Variants in ACAP3 observed in about 807,000 individuals in gnomAD.
The protein encoded by ACAP3 is arf-GAP with coiled-coil, ANK repeat and PH domain-containing protein 3.
In ACAP3, 56 loss-of-function variants were observed where a neutral mutation model predicts 104.1. That is an observed-to-expected ratio of 0.54 (90% CI 0.43 to 0.67). The LOEUF (loss-of-function observed/expected upper bound fraction) is 0.67, where lower values mean the gene tolerates loss of function less well. ACAP3 is among the 30% of genes least tolerant of loss of function. The pLI, the probability that ACAP3 is intolerant of heterozygous loss-of-function variation, is 0.00. For missense variants in ACAP3, 1,208 were observed against 1,174.9 expected (o/e 1.03, Z -0.41); for synonymous variants, 628 against 496.2 (o/e 1.27, Z -3.53).
Position 1,300,594 on chromosome 1 carries a change from C to T in ACAP3, c.437G>A (p.Arg146Gln). The change falls in exon 6 of 24, where the codon CGG becomes CAG. Residue 146 changes from arginine (R) to glutamine (Q), a missense_variant. Physicochemically the swap from Arg to Gln is conservative, Grantham distance 43. Transcript: ENST00000354700. ...GGTGGCTTCCTCCACCTCGTGGGGCCGGTGCCTCGGGGCCTGGGCGTTCCT... is the reference window on the plus strand; with the variant it reads ...GGTGGCTTCCTCCACCTCGTGGGGCTGGTGCCTCGGGGCCTGGGCGTTCCT... ...LVRNAQAPRHRPHEVEEATGA... is the reference protein window; with the variant it reads ...LVRNAQAPRHQPHEVEEATGA... 2 of 1,610,118 alleles carry T rather than the reference C, an allele frequency of 1.2e-6. No homozygotes were observed. Among genetic ancestry groups the T allele is most frequent in the Non-Finnish European group, 1.7e-6 (2 of 1,179,134 alleles).
rs757111037 is a variant in ACAP3, at chr1:1,303,293, C to T, written c.106-12G>A. ...CACAGCTTCACCAGCTGTGGGCCAGCGGGGCGTGGTGAGCACAGTGGGCAC... is the reference window on the plus strand; with the variant it reads ...CACAGCTTCACCAGCTGTGGGCCAGTGGGGCGTGGTGAGCACAGTGGGCAC... On this transcript the variant is annotated splice_polypyrimidine_tract_variant and intron_variant, in intron 2 of 23. Transcript: ENST00000354700. This position sits in a 1 kb window ranked among gnomAD's most constrained non-coding sequence, Gnocchi z 4.0. 1.3e-5 allele frequency: 21 copies of T among 1,566,240 alleles called. No homozygotes were observed. In the East Asian group the frequency reaches 2.4e-4, roughly 18 times the overall value.
chr1:1,306,361 C>CA (rs1448516621), intron 1 of ACAP3, among the ~76,000 whole-genome samples: 1 of 152,150 alleles, frequency 6.6e-6, no homozygotes, highest in Non-Finnish European at 1.5e-5. Flanking sequence ...GTGCTTCAGC[C>CA]AGGGTCCAGC....
chr1:1,295,045 G>T, intron 19 of ACAP3: 1 of 573,040 alleles, frequency 1.7e-6, no homozygotes, highest in South Asian at 2.2e-5. Flanking sequence ...GGCCTTTTGG[G>T]AAGCCCTTCC....
intron 22 of ACAP3, 43 bp from the exon 23 acceptor site, chr1:1,293,976 C>CG: frequency 1.4e-6 from 1 of 727,910 alleles, no homozygotes; most frequent in Non-Finnish European, 2.2e-6. Flanking sequence ...CGGGGCGGGG[C>CG]GGGGCGAGTG....
At chr1:1,301,172 G>A (rs1472478916) in intron 5 of ACAP3, among the ~76,000 whole-genome samples, 1 of 151,450 alleles carries the variant, frequency 6.6e-6, no homozygotes, top group African/African-American at 2.4e-5. Context: ...CCAGGCTCAA[G>A]CAATTCTCCC....
chr1:1,302,575 G>A (rs1641490877), intron 4 of ACAP3, among the ~76,000 whole-genome samples: 1 of 152,078 alleles, frequency 6.6e-6, no homozygotes, highest in Non-Finnish European at 1.5e-5. Context: ...CACATCTCAC[G>A]GGTGCCTGTC....
chr1:1,299,929 G>A lies in ACAP3; in HGVS notation c.664-24C>T, dbSNP rs533520337. ...AGCTGTTGGGGGTGGCATTAGGGAA[G>A]GTCACGGAGGCCTGGCCCAGCCCCA... On this transcript the variant is annotated intron_variant, in intron 8 of 23. Coordinates refer to ENST00000354700, the MANE Select transcript of ACAP3 (RefSeq NM_030649.3). 41 of 1,594,190 alleles carry A rather than the reference G, an allele frequency of 2.6e-5. No homozygotes were observed. The East Asian group carries it at 7.4e-4, about 29-fold the overall frequency.
At position 1,299,368 on chromosome 1, in the gene ACAP3, G is replaced by C; in HGVS notation, c.739-12C>G. The stretch of plus-strand genomic sequence containing the variant: ...ACCTGCAGCAGCGTCTGGAGGGCCG[G>C]AGCAGGAGGGGGTAGGGGGAGAAAG... On this transcript the variant is annotated splice_polypyrimidine_tract_variant and intron_variant, in intron 9 of 23. Transcript: ENST00000354700. 6.4e-7 allele frequency: 1 copy of C among 1,562,340 alleles called. No homozygotes were observed. The highest frequency in any genetic ancestry group is 8.7e-7 in the Non-Finnish European group (1 of 1,152,794).
At chr1:1,296,655 C>G (rs547391731) in intron 14 of ACAP3, 22 bp from the exon 15 acceptor site, 5 of 1,525,222 alleles carry the variant, frequency 3.3e-6, no homozygotes, top group Non-Finnish European at 4.4e-6. Context: ...GGTGGAGCTG[C>G]TCGGTCCCGC....
chr1:1,300,738 T>C, intron 5 of ACAP3, 46 bp from the exon 6 acceptor site: 1 of 1,572,300 alleles, frequency 6.4e-7, no homozygotes, highest in Non-Finnish European at 8.6e-7. Flanking sequence ...GGAGGGCACC[T>C]GCTGGATCCT....
At chr1:1,295,326 G>A (rs1049609263) in intron 19 of ACAP3, 121 bp downstream of exon 19, 8 of 868,200 alleles carry the variant, frequency 9.2e-6, no homozygotes, top group Non-Finnish European at 1.2e-5. Flanking sequence ...GTGGCCAGGA[G>A]GCCCCCCGCC....
intron 1 of ACAP3, chr1:1,307,476 C>T (rs1329842958): frequency 1.6e-6 from 2 of 1,285,356 alleles, no homozygotes; most frequent in African/African-American, 1.5e-5. Context: ...CCGGGAGGGG[C>T]TCAGCCCAGT....
intron 18 of ACAP3, 85 bp downstream of exon 18, chr1:1,295,651 C>T: frequency 6.4e-7 from 1 of 1,552,104 alleles, no homozygotes; most frequent in Non-Finnish European, 8.7e-7. Context: ...GAGGTGCCCC[C>T]AGAGCCCTGC....
rs948881062 is a variant in ACAP3, at chr1:1,293,355, C to T, written c.*209G>A. The T allele has an allele frequency of 1.8e-5, 7 of 398,260 alleles. No individual in the cohort carries two copies. The Admixed American group carries it at 3.0e-4, about 17-fold the overall frequency. The allele number at this position is 398,260 out of a possible 1,614,324, so 24.7% of individuals were successfully genotyped here. Reference sequence around the variant, plus strand: ...TGAGGGACACCCGACGATGCAGCACCCCCCCAGGGAAACGTGAGGCTTCAA... The same window carrying T: ...TGAGGGACACCCGACGATGCAGCACTCCCCCAGGGAAACGTGAGGCTTCAA... On this transcript the variant is annotated 3_prime_UTR_variant, in exon 24 of 24. Transcript: ENST00000354700.
At position 1,303,384 on chromosome 1, in the gene ACAP3, A is replaced by G; in HGVS notation, c.106-103T>C. ...AGGAAGAGCTCCCAGGGTAGGTTCCACTCAGGGCGTTGGCACTCAGGACTC... is the reference window on the plus strand; with the variant it reads ...AGGAAGAGCTCCCAGGGTAGGTTCCGCTCAGGGCGTTGGCACTCAGGACTC... On this transcript the variant is annotated intron_variant, in intron 2 of 23. Transcript: ENST00000354700. This position sits in a 1 kb window ranked among gnomAD's most constrained non-coding sequence, Gnocchi z 4.0. 7.2e-7 allele frequency: 1 copy of G among 1,396,738 alleles called. No homozygotes were observed. The highest frequency in any genetic ancestry group is 9.5e-7 in the Non-Finnish European group (1 of 1,056,694). The allele number at this position is 1,396,738 out of a possible 1,614,324, so 86.5% of individuals were successfully genotyped here.
Position 1,297,863 on chromosome 1 carries a change from C to T in ACAP3, c.1087G>A (p.Ala363Thr), listed in dbSNP as rs756853743. ...AWVQAVQASI[A>T]SAYRESPDSC... Reference sequence around the variant, plus strand: ...TCAGGGCTCTCGCGGTAGGCGGAGGCGATGCTGGCCTGCACAGCCTGGACC... The same window carrying T: ...TCAGGGCTCTCGCGGTAGGCGGAGGTGATGCTGGCCTGCACAGCCTGGACC... Residue 363 changes from alanine to threonine, a missense_variant, in exon 14 of 24, where the codon GCC (alanine) becomes ACC (threonine). Coordinates refer to ENST00000354700, the MANE Select transcript of ACAP3 (RefSeq NM_030649.3). 8 of 1,611,874 alleles carry T rather than the reference C, an allele frequency of 5.0e-6. No homozygotes were observed. The highest frequency in any genetic ancestry group is 2.2e-5 in the East Asian group (1 of 44,858).
Position 1,296,610 on chromosome 1 carries a change from C to G in ACAP3, c.1152G>C (p.Pro384=). 2 of 1,538,006 alleles carry G rather than the reference C, an allele frequency of 1.3e-6. No individual in the cohort carries two copies. The highest frequency in any genetic ancestry group is 1.7e-6 in the Non-Finnish European group (2 of 1,146,460). The change falls in exon 15 of 24, where the codon CCG becomes CCC. Residue 384 remains proline (P), a synonymous_variant. Coordinates refer to ENST00000354700, the MANE Select transcript of ACAP3 (RefSeq NM_030649.3). ...YSERLDRTAS[P]STSSIDSATD... ...TGGCGGAGTCGATGCTGCTCGTGGACGGGGATGCTGTGCGGTCCAGCCTCT... is the reference window on the plus strand; with the variant it reads ...TGGCGGAGTCGATGCTGCTCGTGGAGGGGGATGCTGTGCGGTCCAGCCTCT...
chr1:1,294,207 G>T lies in ACAP3; in HGVS notation c.2140-8C>A. 2 of 1,575,238 alleles carry T rather than the reference G, an allele frequency of 1.3e-6. No homozygotes were observed. Among genetic ancestry groups the T allele is most frequent in the Non-Finnish European group, 1.7e-6 (2 of 1,160,100 alleles). On this transcript the variant is annotated splice_polypyrimidine_tract_variant and splice_region_variant and intron_variant, in intron 21 of 23. Transcript: ENST00000354700. ...ACAGACGATCAAGGAGCCCTGGGGAGCCGGGGCAACTCAGACGGAGCCACG... is the reference window on the plus strand; with the variant it reads ...ACAGACGATCAAGGAGCCCTGGGGATCCGGGGCAACTCAGACGGAGCCACG...
Position 1,296,590 on chromosome 1 carries a change from G to A in ACAP3, c.1172C>T (p.Ser391Phe). The A allele has an allele frequency of 6.5e-7, 1 of 1,539,490 alleles. No individual in the cohort carries two copies. The highest frequency in any genetic ancestry group is 1.8e-4 in the Middle Eastern group (1 of 5,568). The change falls in exon 15 of 24, where the codon TCC becomes TTC. Residue 391 changes from serine to phenylalanine, a missense_variant. Coordinates refer to ENST00000354700, the MANE Select transcript of ACAP3 (RefSeq NM_030649.3). ...GCCACGCTCCCGAGTGTCGGTGGCG[G>A]AGTCGATGCTGCTCGTGGACGGGGA... Reference protein sequence around the residue: ...TASPSTSSIDSATDTRERGVK... With the variant: ...TASPSTSSIDFATDTRERGVK...
Sources: gnomAD v4.1 joint callset for allele counts (sites outside exome capture counted in the v4.1 genomes callset) on GRCh38, gnomAD v4.1.1 for gene constraint, Gnocchi (gnomAD v3.1) non-coding constraint, MANE v1.5 for transcripts, NCBI Gene and HGNC (gene_info 2026-07-23, HGNC 2026-07-21) for gene names.